Variants in GRIA4 observed in about 807,000 individuals in gnomAD.
The protein encoded by GRIA4 is glutamate receptor 4.
A neutral mutation model predicts 104.0 loss-of-function variants in GRIA4; 34 were observed. That is an observed-to-expected ratio of 0.33 (90% confidence interval 0.25 to 0.44). GRIA4 has a LOEUF of 0.44. GRIA4 is among the 20% of genes least tolerant of loss of function. The probability of loss-of-function intolerance (pLI) is 1.00; values close to 1 mark genes in which losing one functional copy is unlikely to be tolerated. For missense variants in GRIA4, 750 were observed against 1,096.5 expected (o/e 0.68, Z 4.46); for synonymous variants, 386 against 381.9 (o/e 1.01, Z -0.13).
chr11:105,720,769 T>C (rs1937750316), intron 3 of GRIA4, among the ~76,000 whole-genome samples: 1 of 152,204 alleles, frequency 6.6e-6, no homozygotes. Context: ...CAACCTGTCA[T>C]ATCACAGAGA....
chr11:105,634,513 G>GAA (rs766783212), intron 3 of GRIA4, among the ~76,000 whole-genome samples: 25 of 69,362 alleles, frequency 3.6e-4, no homozygotes, highest in African/African-American at 1.1e-3. Flanking sequence ...AAGAAAGAAA[G>GAA]AAGAAAGAAA....
intron 3 of GRIA4, among the ~76,000 whole-genome samples, chr11:105,746,738 TAATG>T (rs1939682979): frequency 6.6e-6 from 1 of 152,076 alleles, no homozygotes; most frequent in South Asian, 2.1e-4. Context: ...TTCAAATGTA[TAATG>T]AGTCTACAGG....
intron 4 of GRIA4, among the ~76,000 whole-genome samples, chr11:105,794,756 T>C (rs1467548130): frequency 6.6e-6 from 1 of 151,160 alleles, no homozygotes; most frequent in Non-Finnish European, 1.5e-5. Flanking sequence ...AGATGGAGAA[T>C]TGTAAACTTC....
At chr11:105,648,876 C>T (rs12575513) in intron 3 of GRIA4, among the ~76,000 whole-genome samples, 79,126 of 151,646 alleles carry the variant, frequency 0.52, 20,834 homozygotes, top group Admixed American at 0.61. Context: ...TTGCACCAAC[C>T]TAAAATTACT....
At chr11:105,799,109 C>T (rs573621244) in intron 4 of GRIA4, among the ~76,000 whole-genome samples, 11 of 152,028 alleles carry the variant, frequency 7.2e-5, no homozygotes, top group African/African-American at 2.2e-4. Flanking sequence ...ACAAAGAAAC[C>T]GAGAACAAGA....
At chr11:105,877,758 C>T (rs1945886304) in intron 5 of GRIA4, among the ~76,000 whole-genome samples, 1 of 152,170 alleles carries the variant, frequency 6.6e-6, no homozygotes, top group Non-Finnish European at 1.5e-5. Context: ...TCAGCTCCAC[C>T]AGGTCATTTA....
intron 3 of GRIA4, among the ~76,000 whole-genome samples, chr11:105,689,592 T>C (rs1953014009): frequency 6.6e-6 from 1 of 152,206 alleles, no homozygotes. Context: ...TTACACATTT[T>C]ATTGGCCAGA....
intron 3 of GRIA4, among the ~76,000 whole-genome samples, chr11:105,750,647 A>G (rs1014015585): frequency 1.9e-4 from 29 of 152,206 alleles, no homozygotes; most frequent in African/African-American, 7.0e-4. Flanking sequence ...AAAAGTCATA[A>G]TGATTACAAT....
chr11:105,913,103 G>T (rs1947303623), intron 10 of GRIA4: 2 of 725,906 alleles, frequency 2.8e-6, no homozygotes, highest in South Asian at 1.3e-4. Flanking sequence ...AATTGATTGA[G>T]AAATTCAGTT....
chr11:105,945,641 G>A (rs1045928583), intron 14 of GRIA4: 1 of 156,190 alleles, frequency 6.4e-6, no homozygotes, highest in African/African-American at 2.4e-5. Context: ...CTTGCCACTT[G>A]TGCGTAATAG....
chr11:105,936,588 G>C (rs1210026834), intron 14 of GRIA4, among the ~76,000 whole-genome samples: 1 of 152,166 alleles, frequency 6.6e-6, no homozygotes, highest in Non-Finnish European at 1.5e-5. Flanking sequence ...GCAGACAAAT[G>C]ACTAGTTATG....
At chr11:105,670,084 T>TA (rs1026068489) in intron 3 of GRIA4, among the ~76,000 whole-genome samples, 2 of 151,914 alleles carry the variant, frequency 1.3e-5, no homozygotes, top group Non-Finnish European at 2.9e-5. Context: ...ATAACACAAA[T>TA]AAAAAAATAA....
At chr11:105,717,720 T>TG in intron 3 of GRIA4, among the ~76,000 whole-genome samples, 1 of 151,952 alleles carries the variant, frequency 6.6e-6, no homozygotes, top group East Asian at 1.9e-4. Context: ...TTTTTATTTA[T>TG]TATTATTATA....
At chr11:105,668,960 C>T (rs1952271822) in intron 3 of GRIA4, among the ~76,000 whole-genome samples, 1 of 151,936 alleles carries the variant, frequency 6.6e-6, no homozygotes, top group Admixed American at 6.6e-5. Context: ...CTGGACATTG[C>T]CACCTAGATA....
chr11:105,963,141 A>C (rs1948783072), intron 14 of GRIA4, among the ~76,000 whole-genome samples: 1 of 152,036 alleles, frequency 6.6e-6, no homozygotes, highest in South Asian at 2.1e-4. Flanking sequence ...CTTGTTTATT[A>C]TTACTTCTTC....
chr11:105,960,882 C>T (rs750480448), intron 14 of GRIA4, among the ~76,000 whole-genome samples: 40 of 152,126 alleles, frequency 2.6e-4, no homozygotes, highest in Admixed American at 2.4e-3. Flanking sequence ...GTTCCCCTTC[C>T]CGGTGTGGGC....
intron 10 of GRIA4, chr11:105,912,852 G>T (rs964348745): frequency 1.0e-6 from 1 of 982,592 alleles, no homozygotes; most frequent in East Asian, 1.1e-4. Context: ...ACAAGATATT[G>T]GCATCTGCAT....
chr11:105,880,686 A>C (rs1310136454), intron 5 of GRIA4, among the ~76,000 whole-genome samples: 1 of 152,166 alleles, frequency 6.6e-6, no homozygotes, highest in Non-Finnish European at 1.5e-5. Context: ...TTGAAGGTGA[A>C]AATTTTGTTA....
intron 10 of GRIA4, chr11:105,912,785 C>T: frequency 1.0e-6 from 1 of 982,254 alleles, no homozygotes; most frequent in Non-Finnish European, 1.2e-6. Context: ...AACGGTAGTC[C>T]AGGACCTATG....
Sources: gnomAD v4.1 joint callset for allele counts (sites outside exome capture counted in the v4.1 genomes callset) on GRCh38, gnomAD v4.1.1 for gene constraint, MANE v1.5 for transcripts, NCBI Gene and HGNC (gene_info 2026-07-23, HGNC 2026-07-21) for gene names.